The following CBFA2T3 variants were observed in gnomAD, a reference collection of about 807,000 sequenced individuals.
CBFA2T3 encodes CBFA2/RUNX1 partner transcriptional co-repressor 3.
CBFA2T3 carries 31 observed loss-of-function variants against 58.6 expected under a neutral mutation model. That is an observed-to-expected ratio of 0.53 (90% CI 0.40 to 0.71). The LOEUF is 0.71. Ranked by LOEUF, CBFA2T3 falls within the 30% of genes least tolerant of loss-of-function variation. The pLI is 0.00. For synonymous variants in CBFA2T3, 531 were observed against 421.9 expected (o/e 1.26, Z -3.17); for missense variants, 1,076 against 963.1 (o/e 1.12, Z -1.55).
chr16:88,898,081 G>C lies in CBFA2T3; in HGVS notation c.376C>G (p.Leu126Val). ...HGCLKWSMVCLLMNGSSHSPT... is the reference protein window; with the variant it reads ...HGCLKWSMVCVLMNGSSHSPT... ...CGGTTTTTGTTATTTTACTTACAGA[G>C]ACAGACCATAGACCATTTTAAGCAG... is the stretch of plus-strand genomic sequence containing the variant. The change falls in exon 3 of 12, where the codon CTC becomes GTC. Residue 126 changes from leucine (L) to valine (V), a missense_variant. Transcript: ENST00000268679. 1 of 1,607,774 alleles carries C rather than the reference G, an allele frequency of 6.2e-7. No individual in the cohort carries two copies. The highest frequency in any genetic ancestry group is 1.1e-5 in the South Asian group (1 of 91,014).
chr16:88,890,217 G>A (rs978860642), intron 5 of CBFA2T3, among the ~76,000 whole-genome samples: 2 of 152,160 alleles, frequency 1.3e-5, no homozygotes, highest in African/African-American at 2.4e-5. Context: ...GTGAGGCCCC[G>A]TTCTTTCCGC....
At chr16:88,908,327 G>A (rs1597710542) in intron 1 of CBFA2T3, among the ~76,000 whole-genome samples, 1 of 150,798 alleles carries the variant, frequency 6.6e-6, no homozygotes, top group African/African-American at 2.5e-5. Flanking sequence ...GGACAACGGA[G>A]CGAGACTCTG....
rs1042234894 is a variant in CBFA2T3 at position 88,977,136 on chromosome 16, G to A, written c.-329C>T. On this transcript the variant is annotated 5_prime_UTR_variant, in exon 1 of 12. Transcript: ENST00000268679. ...GCCGGGGCCGGAGGCCTGCAGCTGC[G>A]CCCGCCACTTCCCTGACAGGAACCA... 3.8e-5 allele frequency: 12 copies of A among 313,810 alleles called. No homozygotes were observed. Among genetic ancestry groups the A allele is most frequent in the Middle Eastern group, 8.6e-4 (1 of 1,164 alleles). The allele number at this position is 313,810 out of a possible 1,614,324, so 19.4% of individuals were successfully genotyped here.
chr16:88,900,924 T>C lies in CBFA2T3; in HGVS notation c.304+580A>G, dbSNP rs377448594. On this transcript the variant is annotated intron_variant, in intron 2 of 11. Transcript: ENST00000268679. ...AGCAAGACAAGGCCTGACAGCTTCT[T>C]GAGGTCCCACCCTTCCGGCCTCCTG... Among the ~76,000 whole-genome samples, 5 of 152,340 alleles carry C rather than the reference T, an allele frequency of 3.3e-5. No homozygotes were observed. The East Asian group carries it at 9.7e-4, about 29-fold the overall frequency.
intron 1 of CBFA2T3, among the ~76,000 whole-genome samples, chr16:88,902,872 C>T (rs1970154693): frequency 6.6e-6 from 1 of 152,128 alleles, no homozygotes; most frequent in Non-Finnish European, 1.5e-5. Flanking sequence ...CACGACTGCC[C>T]CGCACCCTGC....
chr16:88,930,930 G>A (rs1293276431), intron 1 of CBFA2T3, among the ~76,000 whole-genome samples: 1 of 151,878 alleles, frequency 6.6e-6, no homozygotes, highest in African/African-American at 2.4e-5. Flanking sequence ...GAGCTGGCGG[G>A]GGGCGTGGCG....
At chr16:88,933,035 G>C (rs1232168737) in intron 1 of CBFA2T3, among the ~76,000 whole-genome samples, 1 of 152,162 alleles carries the variant, frequency 6.6e-6, no homozygotes, top group Admixed American at 6.5e-5. Context: ...CTCGAGGGAG[G>C]TGACGGCATG....
intron 1 of CBFA2T3, among the ~76,000 whole-genome samples, chr16:88,957,126 C>T (rs769515378): frequency 1.3e-5 from 2 of 152,218 alleles, no homozygotes; most frequent in Admixed American, 6.5e-5. Flanking sequence ...GTTATGCCCA[C>T]GGGCAGCTGC....
intron 1 of CBFA2T3, among the ~76,000 whole-genome samples, chr16:88,935,469 A>C (rs1971466318): frequency 6.6e-6 from 1 of 152,202 alleles, no homozygotes; most frequent in African/African-American, 2.4e-5. Context: ...ACAGGGAGTA[A>C]CTAGAGTACA....
At chr16:88,926,222 G>C (rs1179640271) in intron 1 of CBFA2T3, among the ~76,000 whole-genome samples, 2 of 151,308 alleles carry the variant, frequency 1.3e-5, no homozygotes, top group Non-Finnish European at 3.0e-5. Context: ...GCCTCCAAGA[G>C]CCTAACCTTG....
intron 1 of CBFA2T3, among the ~76,000 whole-genome samples, chr16:88,905,132 G>T (rs994512022): frequency 6.6e-5 from 10 of 152,118 alleles, no homozygotes; most frequent in African/African-American, 2.4e-4. Context: ...GGGAAGGAGG[G>T]GGGTGGGGGA....
At chr16:88,927,835 G>A (rs945859590) in intron 1 of CBFA2T3, among the ~76,000 whole-genome samples, 17 of 152,202 alleles carry the variant, frequency 1.1e-4, no homozygotes, top group Admixed American at 9.2e-4. Flanking sequence ...GGTGGGATCC[G>A]GTCCCCTCCT....
chr16:88,975,219 C>T lies in CBFA2T3; in HGVS notation c.151+1438G>A, dbSNP rs550972144. ...CAGAGGTCCACCCTGACCCTCTGCT[C>T]CTCACCTGCAGCCATGTCAGAGGCC... On this transcript the variant is annotated intron_variant, in intron 1 of 11. Coordinates refer to ENST00000268679, the MANE Select transcript of CBFA2T3 (RefSeq NM_005187.6). Among the ~76,000 whole-genome samples the T allele has an allele frequency of 2.4e-5, 3 of 125,254 alleles. No individual in the cohort carries two copies. In the East Asian group the frequency reaches 6.1e-4, roughly 25 times the overall value. 82.2% of individuals were successfully genotyped at this position (125,254 alleles called of 152,430 possible). A position where few individuals can be genotyped will look rare whatever the true frequency, so the allele number is the denominator to read the frequency against.
At chr16:88,930,963 G>A (rs73256215) in intron 1 of CBFA2T3, among the ~76,000 whole-genome samples, 5,144 of 151,342 alleles carry the variant, frequency 0.034, 303 homozygotes, top group African/African-American at 0.12. Flanking sequence ...TGCACTAAGT[G>A]CTACTGAAGT....
chr16:88,951,340 C>A (rs533569561), intron 1 of CBFA2T3: 14 of 457,528 alleles, frequency 3.1e-5, no homozygotes, highest in Middle Eastern at 3.2e-4. Context: ...GTCTCCATCC[C>A]TCCCTTTGTT....
At chr16:88,920,853 G>A (rs905047878) in intron 1 of CBFA2T3, among the ~76,000 whole-genome samples, 10 of 152,182 alleles carry the variant, frequency 6.6e-5, no homozygotes, top group Non-Finnish European at 1.3e-4. Flanking sequence ...GCTGCCTCCC[G>A]CCCTCCTGGA....
intron 5 of CBFA2T3, among the ~76,000 whole-genome samples, chr16:88,890,258 T>A (rs559708839): frequency 3.9e-5 from 6 of 152,280 alleles, no homozygotes; most frequent in African/African-American, 1.4e-4. Context: ...CTCAACAGCC[T>A]GAGGATGATT....
rs1477854800 is a variant in CBFA2T3 at position 88,892,398 on chromosome 16, G to A, written c.467C>T (p.Ser156Phe). 6.2e-7 allele frequency: 1 copy of A among 1,613,628 alleles called. No homozygotes were observed. The highest frequency in any genetic ancestry group is 8.5e-7 in the Non-Finnish European group (1 of 1,180,036). Residue 156 changes from serine (S) to phenylalanine (F), a missense_variant, in exon 4 of 12, where the codon TCC becomes TTC. Coordinates refer to ENST00000268679, the MANE Select transcript of CBFA2T3 (RefSeq NM_005187.6). The part of the protein sequence containing the change: ...NGFSNGPATS[S>F]TASLSTQHLP... ...GTGCTGTGTGGACAAGGAGGCTGTGGACGAGGTGGCCGGGCCATTGCTGAA... is the reference window on the plus strand; with the variant it reads ...GTGCTGTGTGGACAAGGAGGCTGTGAACGAGGTGGCCGGGCCATTGCTGAA...
intron 1 of CBFA2T3, among the ~76,000 whole-genome samples, chr16:88,924,501 A>AG (rs1182632757): frequency 6.6e-6 from 1 of 152,006 alleles, no homozygotes; most frequent in African/African-American, 2.4e-5. Context: ...GACACAGGCC[A>AG]GGGGGAGAAG....
Sources: allele counts gnomAD v4.1 joint callset (sites outside exome capture counted in the v4.1 genomes callset), GRCh38; gene constraint gnomAD v4.1.1; transcripts MANE v1.5; gene names NCBI Gene and HGNC (gene_info 2026-07-23, HGNC 2026-07-21).